Variants in BZW1 observed in about 807,000 individuals in gnomAD.
The protein encoded by BZW1 is basic leucine zipper and W2 domains 1, also known as eIF5-mimic protein 2.
A neutral mutation model predicts 54.1 loss-of-function variants in BZW1; 3 were observed. That is an observed-to-expected ratio of 0.06 (90% CI 0.03 to 0.14). BZW1 has a LOEUF of 0.14. Ranked by LOEUF, BZW1 falls within the 10% of genes least tolerant of loss-of-function variation. The pLI, the probability that BZW1 is intolerant of heterozygous loss-of-function variation, is 1.00. For missense variants in BZW1, 206 were observed against 491.7 expected, an observed-to-expected ratio of 0.42 and a Z score of 5.50; for synonymous variants, 152 against 162.7, an observed-to-expected ratio of 0.93 and a Z score of 0.50.
intron 1 of BZW1, 169 bp downstream of exon 1, chr2:200,812,159 A>G: frequency 8.9e-7 from 1 of 1,128,586 alleles, no homozygotes. Flanking sequence ...CCGCTTCGGC[A>G]GGGAGGCCGA....
intron 3 of BZW1, 49 bp downstream of exon 3, chr2:200,815,566 A>C (rs566951676): frequency 1.2e-6 from 2 of 1,603,030 alleles, no homozygotes; most frequent in South Asian, 2.2e-5. Flanking sequence ...GGTATAATAT[A>C]TGGAGATTAT....
intron 10 of BZW1, chr2:200,820,334 C>A: frequency 2.5e-6 from 1 of 394,724 alleles, no homozygotes. Flanking sequence ...AAATCTAAAG[C>A]CATCATTATG....
chr2:200,818,488 G>A, intron 8 of BZW1, 95 bp downstream of exon 8: 1 of 1,388,714 alleles, frequency 7.2e-7, no homozygotes, highest in South Asian at 1.3e-5. Context: ...ATGAGATTGA[G>A]TTAATAGTAA....
chr2:200,821,146 A>G lies in BZW1; in HGVS notation c.1106-37A>G, dbSNP rs367945691. The G allele has an allele frequency of 4.0e-5, 65 of 1,608,770 alleles. No individual in the cohort carries two copies. In the Middle Eastern group the frequency reaches 6.8e-4, roughly 17 times the overall value. ...GTGGTTCTAACGCTGAGTAGAGTAT[A>G]TTAAAACTCCCTTAATGCAATGAGT... On this transcript the variant is annotated intron_variant, in intron 10 of 11. Coordinates refer to ENST00000409600, the MANE Select transcript of BZW1 (RefSeq NM_001207067.2).
At chr2:200,815,935 C>T (rs1054143521) in intron 4 of BZW1, among the ~76,000 whole-genome samples, 174 bp downstream of exon 4, 2 of 151,980 alleles carry the variant, frequency 1.3e-5, no homozygotes, top group African/African-American at 2.4e-5. Flanking sequence ...TGTGTTAAGG[C>T]GAACAAAATA....
intron 10 of BZW1, among the ~76,000 whole-genome samples, chr2:200,820,479 A>G (rs760914015): frequency 1.3e-5 from 2 of 152,204 alleles, no homozygotes; most frequent in African/African-American, 4.8e-5. Context: ...CAAGAGTTCA[A>G]GACCGGCCTG....
chr2:200,813,116 T>G, intron 1 of BZW1, 92 bp from the exon 2 acceptor site: 1 of 1,064,088 alleles, frequency 9.4e-7, no homozygotes, highest in Admixed American at 2.0e-5. Flanking sequence ...GTGTTCCATT[T>G]GATTCATATG....
chr2:200,818,845 G>A lies in BZW1; in HGVS notation c.910G>A (p.Val304Met), dbSNP rs1308103129. 15 of 1,603,564 alleles carry A rather than the reference G, an allele frequency of 9.4e-6. No homozygotes were observed. Among genetic ancestry groups the A allele is most frequent in the Non-Finnish European group, 1.3e-5 (15 of 1,177,184 alleles). The change falls in exon 9 of 12, where the codon GTG (valine) becomes ATG (methionine). Residue 304 changes from valine to methionine, a missense_variant. By Grantham distance (21) the Val-to-Met change is conservative. This residue lies in a region of BZW1 where 60 missense variants were observed against 151.8 expected (regional missense o/e 0.40). Coordinates refer to ENST00000409600, the MANE Select transcript of BZW1 (RefSeq NM_001207067.2). ...AGTCTGGTCAAGTGTAATGAGCACT[G>A]TGGAATGGAACAAAAAAGAGGAGCT... ...GIVWSSVMST[V>M]EWNKKEELVA...
rs1211189421 is a variant in BZW1 at position 200,812,387 on chromosome 2, C to G, written c.-11+397C>G. ...GCTGCGGCCGCCGCCTCCGCCGCTGCTTTCGCTGGAGGGCGGGCGGATGTA... is the reference window on the plus strand; with the variant it reads ...GCTGCGGCCGCCGCCTCCGCCGCTGGTTTCGCTGGAGGGCGGGCGGATGTA... On this transcript the variant is annotated intron_variant, in intron 1 of 11. Coordinates refer to ENST00000409600, the MANE Select transcript of BZW1 (RefSeq NM_001207067.2). 2.3e-6 allele frequency: 3 copies of G among 1,286,864 alleles called. No individual in the cohort carries two copies. The East Asian group carries it at 9.3e-5, about 40-fold the overall frequency. 79.7% of individuals were successfully genotyped at this position (1,286,864 alleles called of 1,614,324 possible).
At chr2:200,812,909 T>C (rs2038140920) in intron 1 of BZW1, 1 of 659,524 alleles carries the variant, frequency 1.5e-6, no homozygotes, top group Non-Finnish European at 2.9e-6. Flanking sequence ...AAGAGGAATG[T>C]GGAGAAAACT....
At chr2:200,821,343 T>C (rs1218218705) in intron 11 of BZW1, 38 bp downstream of exon 11, 2 of 1,608,762 alleles carry the variant, frequency 1.2e-6, no homozygotes, top group African/African-American at 2.7e-5. Flanking sequence ...TTGGTAAAGC[T>C]AATTTTAATG....
At position 200,823,295 on chromosome 2, in the gene BZW1, A is replaced by G. The variant is rs1004839184; in HGVS notation, c.*1117A>G. 4 of 164,396 alleles carry G rather than the reference A, an allele frequency of 2.4e-5. No homozygotes were observed. Among genetic ancestry groups the G allele is most frequent in the Non-Finnish European group, 5.9e-5 (4 of 68,128 alleles). 10.2% of individuals were successfully genotyped at this position (164,396 alleles called of 1,614,324 possible). ...ATGACTCAAGCCTCTGGCTATTAAC[A>G]TACCCTAGTTGCCGTTTTTTAATTG... is the stretch of plus-strand genomic sequence containing the variant. On this transcript the variant is annotated 3_prime_UTR_variant, in exon 12 of 12. Coordinates refer to ENST00000409600, the MANE Select transcript of BZW1 (RefSeq NM_001207067.2).
rs759729287 is a variant in BZW1, at chr2:200,818,814, C to A, written c.879C>A (p.Ile293=). The change falls in exon 9 of 12, where the codon ATC becomes ATA. Residue 293 remains isoleucine, a synonymous_variant. Transcript: ENST00000409600. ...KKNNIPEPVV[I]GIVWSSVMST... ...ACAACATCCCAGAGCCAGTTGTCAT[C>A]GGAATAGTCTGGTCAAGTGTAATGA... 6.3e-7 allele frequency: 1 copy of A among 1,599,414 alleles called. No homozygotes were observed. Among genetic ancestry groups the A allele is most frequent in the Non-Finnish European group, 8.5e-7 (1 of 1,176,264 alleles).
intron 5 of BZW1, 53 bp downstream of exon 5, chr2:200,816,443 G>A: frequency 2.3e-6 from 3 of 1,312,816 alleles, no homozygotes; most frequent in Non-Finnish European, 3.2e-6. Flanking sequence ...TTAGAAAGAG[G>A]AATGTTAAAT....
At position 200,821,382 on chromosome 2, in the gene BZW1, C is replaced by T. The variant is rs531884850; in HGVS notation, c.1228+77C>T. ...CCATAATATATCTTCACACATGCTT[C>T]CTTCTTTCTGATGCCATTTTGTACC... On this transcript the variant is annotated intron_variant, in intron 11 of 11. Transcript: ENST00000409600. 5 of 1,543,482 alleles carry T rather than the reference C, an allele frequency of 3.2e-6. No homozygotes were observed. In the Admixed American group the frequency reaches 5.7e-5, roughly 17 times the overall value.
intron 1 of BZW1, 166 bp from the exon 2 acceptor site, chr2:200,813,042 C>G: frequency 1.4e-6 from 1 of 695,454 alleles, no homozygotes; most frequent in Admixed American, 2.0e-5. Flanking sequence ...ACATTTGATT[C>G]AAGTGCAGGT....
chr2:200,819,087 G>A, intron 9 of BZW1, 186 bp downstream of exon 9: 2 of 720,636 alleles, frequency 2.8e-6, no homozygotes, highest in Non-Finnish European at 4.3e-6. Flanking sequence ...GTGGTTCACA[G>A]GTTAAAAACA....
At position 200,824,637 on chromosome 2, in the gene BZW1, C is replaced by CT. The variant is rs1407317480; in HGVS notation, c.*2465dup. 1 of 147,912 alleles carries CT rather than the reference C, an allele frequency of 6.8e-6. No homozygotes were observed. Among genetic ancestry groups the CT allele is most frequent in the African/African-American group, 2.5e-5 (1 of 40,086 alleles). 9.2% of individuals were successfully genotyped at this position (147,912 alleles called of 1,614,324 possible). ...GACTTCTAATTCAGTTTTTCAAAAG[C>CT]TTTTTTCCATTATCATACCCCCAGC... On this transcript the variant is annotated 3_prime_UTR_variant, in exon 12 of 12. Transcript: ENST00000409600.
intron 1 of BZW1, chr2:200,812,376 C>G: frequency 7.8e-7 from 1 of 1,284,804 alleles, no homozygotes; most frequent in East Asian, 3.1e-5. Context: ...CGGCCGCCGC[C>G]TCCGCCGCTG....
Sources: gnomAD v4.1 joint callset for allele counts (sites outside exome capture counted in the v4.1 genomes callset) on GRCh38, gnomAD v4.1.1 for gene constraint, gnomAD v4.1.1 regional missense constraint, MANE v1.5 for transcripts, NCBI Gene and HGNC (gene_info 2026-07-23, HGNC 2026-07-21) for gene names.